Variants in MAPKAP1 observed in about 807,000 individuals in gnomAD.
MAPKAP1 encodes the protein target of rapamycin complex 2 subunit MAPKAP1.
In MAPKAP1, 20 loss-of-function variants were observed where a neutral mutation model predicts 65.7. That is an observed-to-expected ratio of 0.30 (90% CI 0.21 to 0.44). MAPKAP1 has a LOEUF of 0.44. MAPKAP1 is among the 20% of genes least tolerant of loss of function. MAPKAP1 has a pLI of 1.00. For missense variants in MAPKAP1, 423 were observed against 648.0 expected, an observed-to-expected ratio of 0.65 and a Z score of 3.77; for synonymous variants, 222 against 244.3, an observed-to-expected ratio of 0.91 and a Z score of 0.85.
chr9:125,459,599 G>A (rs923026464), intron 10 of MAPKAP1, among the ~76,000 whole-genome samples: 13 of 152,120 alleles, frequency 8.5e-5, no homozygotes, highest in Non-Finnish European at 1.6e-4. Context: ...GATCACTCGC[G>A]GTTAGGAGCT....
At chr9:125,514,822 T>C (rs931783546) in intron 7 of MAPKAP1, among the ~76,000 whole-genome samples, 4 of 152,176 alleles carry the variant, frequency 2.6e-5, no homozygotes, top group African/African-American at 9.7e-5. Flanking sequence ...GTGCCAAGCC[T>C]TGACTACTCT....
chr9:125,509,194 T>C (rs1270638519), intron 7 of MAPKAP1, among the ~76,000 whole-genome samples: 1 of 152,128 alleles, frequency 6.6e-6, no homozygotes, highest in African/African-American at 2.4e-5. Flanking sequence ...CCTGACTTGA[T>C]CATTACACAT....
chr9:125,624,208 G>A (rs1176055416), intron 4 of MAPKAP1, among the ~76,000 whole-genome samples: 2 of 31,894 alleles, frequency 6.3e-5, no homozygotes, highest in African/African-American at 1.6e-4. Context: ...GGAGGGAGGT[G>A]GGGGGGTCAG....
intron 10 of MAPKAP1, 99 bp from the exon 11 acceptor site, chr9:125,444,697 A>G (rs530674513): frequency 5.3e-5 from 42 of 790,784 alleles, no homozygotes; most frequent in African/African-American, 3.8e-4. Flanking sequence ...AGCGAGAGCA[A>G]GTGGAGGCTG....
At chr9:125,479,484 G>A (rs1351078627) in intron 9 of MAPKAP1, among the ~76,000 whole-genome samples, 1 of 151,970 alleles carries the variant, frequency 6.6e-6, no homozygotes, top group Admixed American at 6.5e-5. Flanking sequence ...GGAGGCTGAG[G>A]CAGAAGAATT....
chr9:125,529,488 T>C (rs1181124915), intron 7 of MAPKAP1, among the ~76,000 whole-genome samples: 1 of 136,022 alleles, frequency 7.4e-6, no homozygotes, highest in African/African-American at 2.7e-5. Context: ...TGTTCTGCTA[T>C]TAAAAGTAGT....
At chr9:125,633,444 CATATT>C (rs1833342676) in intron 4 of MAPKAP1, among the ~76,000 whole-genome samples, 2 of 152,182 alleles carry the variant, frequency 1.3e-5, no homozygotes. Flanking sequence ...TAATAGAACA[CATATT>C]AGATTAAGCT....
chr9:125,700,314 A>T lies in MAPKAP1; in HGVS notation c.-70+6657T>A, dbSNP rs114514907. Among the ~76,000 whole-genome samples, 1,055 of 152,334 alleles carry T rather than the reference A, an allele frequency of 6.9e-3. 17 individuals carry two copies. Among genetic ancestry groups the T allele is most frequent in the African/African-American group, 0.023 (954 of 41,576 alleles). On this transcript the variant is annotated intron_variant, in intron 1 of 11. Transcript: ENST00000265960. ...TAACACAGTACCTTAAAATGAGTCC[A>T]TAAGGAACTGGAAAATGTTATTTTT...
chr9:125,554,343 G>C (rs1409911647), intron 6 of MAPKAP1, among the ~76,000 whole-genome samples: 1 of 152,138 alleles, frequency 6.6e-6, no homozygotes, highest in Non-Finnish European at 1.5e-5. Context: ...AGATAAAGTA[G>C]AGTGACCAAT....
chr9:125,558,082 C>T (rs985831341), intron 6 of MAPKAP1, among the ~76,000 whole-genome samples: 3 of 152,156 alleles, frequency 2.0e-5, no homozygotes, highest in Non-Finnish European at 4.4e-5. Flanking sequence ...GTTTCGAACT[C>T]TTGACCCTCC....
At chr9:125,502,085 T>C (rs1275005535) in intron 8 of MAPKAP1, among the ~76,000 whole-genome samples, 2 of 152,042 alleles carry the variant, frequency 1.3e-5, no homozygotes, top group Non-Finnish European at 2.9e-5. Flanking sequence ...CTCATTACTA[T>C]TCAGCCTTTC....
chr9:125,594,426 A>G (rs776500018), intron 4 of MAPKAP1, among the ~76,000 whole-genome samples: 4 of 152,146 alleles, frequency 2.6e-5, no homozygotes, highest in Non-Finnish European at 5.9e-5. Flanking sequence ...TGGCTTTACC[A>G]CTTCCTTAGC....
Position 125,447,480 on chromosome 9 carries a change from G to C in MAPKAP1, c.1346-2882C>G, listed in dbSNP as rs1317923610. ...TCTTGCTCTCTGCAAGGAGTGATGAGCGGAACCCTGGGGGGCAAGGGCAGG... is the reference window on the plus strand; with the variant it reads ...TCTTGCTCTCTGCAAGGAGTGATGACCGGAACCCTGGGGGGCAAGGGCAGG... On this transcript the variant is annotated intron_variant, in intron 10 of 11. Coordinates refer to ENST00000265960, the MANE Select transcript of MAPKAP1 (RefSeq NM_001006617.3). The surrounding 1 kb of genome is among the most constrained non-coding windows in gnomAD (Gnocchi z 4.5). 1.1e-5 allele frequency: 5 copies of C among 456,508 alleles called. No homozygotes were observed. The highest frequency in any genetic ancestry group is 2.2e-5 in the Non-Finnish European group (5 of 226,976). The allele number at this position is 456,508 out of a possible 1,614,324, so 28.3% of individuals were successfully genotyped here.
intron 8 of MAPKAP1, among the ~76,000 whole-genome samples, chr9:125,494,350 T>C (rs1198647966): frequency 6.6e-6 from 1 of 152,156 alleles, no homozygotes; most frequent in African/African-American, 2.4e-5. Flanking sequence ...TTTAAAGCCA[T>C]CGGGATCACG....
chr9:125,506,375 G>A lies in MAPKAP1; in HGVS notation c.1001C>T (p.Ala334Val). The A allele has an allele frequency of 6.2e-7, 1 of 1,614,136 alleles. No individual in the cohort carries two copies. Among genetic ancestry groups the A allele is most frequent in the South Asian group, 1.1e-5 (1 of 91,084 alleles). ...RLEKQSEPNV[A>V]VDLDSTLESQ... ...CTCCAAAGTGCTGTCCAGGTCAACG[G>A]CGACATTGGGCTCGCTCTGCTTCTC... The change falls in exon 8 of 12, where the codon GCC (alanine) becomes GTC (valine). Residue 334 changes from alanine (A) to valine (V), a missense_variant. Transcript: ENST00000265960.
Position 125,604,952 on chromosome 9 carries a change from T to C in MAPKAP1, c.499-19225A>G, listed in dbSNP as rs573062963. On this transcript the variant is annotated intron_variant, in intron 4 of 11. Coordinates refer to ENST00000265960, the MANE Select transcript of MAPKAP1 (RefSeq NM_001006617.3). The stretch of plus-strand genomic sequence containing the variant: ...AATTATCCCCGTTCCTATTCGATAG[T>C]AAAATAACACCACAGCAAAACAAAA... Among the ~76,000 whole-genome samples, 30 of 152,322 alleles carry C rather than the reference T, an allele frequency of 2.0e-4. 1 individual carries two copies. The South Asian group carries it at 6.0e-3, about 30-fold the overall frequency.
rs910044185 is a variant in MAPKAP1 at position 125,534,451 on chromosome 9, T to A, written c.958+8608A>T. On this transcript the variant is annotated intron_variant, in intron 7 of 11. Coordinates refer to ENST00000265960, the MANE Select transcript of MAPKAP1 (RefSeq NM_001006617.3). ...TATTTCAATTCTCCCAAACTGTGCATTTAGCTCTAATGAAAGAAATCAGAT... is the reference window on the plus strand; with the variant it reads ...TATTTCAATTCTCCCAAACTGTGCAATTAGCTCTAATGAAAGAAATCAGAT... Among the ~76,000 whole-genome samples, 4 of 152,342 alleles carry A rather than the reference T, an allele frequency of 2.6e-5. No individual in the cohort carries two copies. In the East Asian group the frequency reaches 7.7e-4, roughly 29 times the overall value.
rs574550120 is a variant in MAPKAP1 at position 125,586,904 on chromosome 9, G to C, written c.499-1177C>G. Among the ~76,000 whole-genome samples, 59 of 152,288 alleles carry C rather than the reference G, an allele frequency of 3.9e-4. 2 individuals carry two copies. In the South Asian group the frequency reaches 0.012, roughly 31 times the overall value. ...AATATGTGCTGCCACCACTAAGCCA[G>C]CTGCTCATCTCAACAGTCTTGATGC... On this transcript the variant is annotated intron_variant, in intron 4 of 11. Transcript: ENST00000265960.
chr9:125,625,422 AAAAC>A (rs1302363636), intron 4 of MAPKAP1, among the ~76,000 whole-genome samples: 2 of 152,060 alleles, frequency 1.3e-5, no homozygotes, highest in Non-Finnish European at 2.9e-5. Flanking sequence ...AAAAAACAAA[AAAAC>A]AAAACAAAAC....
Sources: gnomAD v4.1 joint callset for allele counts (sites outside exome capture counted in the v4.1 genomes callset) on GRCh38, gnomAD v4.1.1 for gene constraint, Gnocchi (gnomAD v3.1) non-coding constraint, MANE v1.5 for transcripts, NCBI Gene and HGNC (gene_info 2026-07-23, HGNC 2026-07-21) for gene names.